GALNTL6: variants seen among roughly 807,000 people sequenced by gnomAD.
GALNTL6 encodes the protein polypeptide N-acetylgalactosaminyltransferase-like 6.
In GALNTL6, 46 loss-of-function variants were observed where a neutral mutation model predicts 73.7. The observed-to-expected ratio is 0.62, with a 90% CI of 0.49 to 0.80. The LOEUF is 0.80. Ranked by LOEUF, GALNTL6 falls within the 30% of genes least tolerant of loss-of-function variation. GALNTL6 has a pLI of 0.00. For synonymous variants in GALNTL6, 259 were observed against 263.7 expected (o/e 0.98, Z 0.17); for missense variants, 604 against 755.0 (o/e 0.80, Z 2.34).
chr4:172,126,938 C>G (rs1733312212), intron 2 of GALNTL6, among the ~76,000 whole-genome samples: 1 of 152,198 alleles, frequency 6.6e-6, no homozygotes, highest in Non-Finnish European at 1.5e-5. Context: ...CCCCGCTGTC[C>G]TCAGCAGGAA....
At chr4:172,188,845 A>G (rs1388879634) in intron 2 of GALNTL6, among the ~76,000 whole-genome samples, 1 of 152,058 alleles carries the variant, frequency 6.6e-6, no homozygotes, top group African/African-American at 2.4e-5. Context: ...AATGACAGAA[A>G]GCAACTTTGC....
At chr4:172,687,728 T>TG (rs1344637423) in intron 5 of GALNTL6, among the ~76,000 whole-genome samples, 2 of 152,138 alleles carry the variant, frequency 1.3e-5, no homozygotes, top group Non-Finnish European at 2.9e-5. Flanking sequence ...GCAATGCATT[T>TG]GGGGAAAAAG....
intron 2 of GALNTL6, among the ~76,000 whole-genome samples, chr4:171,871,665 A>G (rs542079729): frequency 6.6e-6 from 1 of 152,342 alleles, no homozygotes; most frequent in South Asian, 2.1e-4. Flanking sequence ...CTACCATTAA[A>G]ATAGTGACAC....
At chr4:171,958,245 G>C (rs1252070723) in intron 2 of GALNTL6, among the ~76,000 whole-genome samples, 1 of 152,104 alleles carries the variant, frequency 6.6e-6, no homozygotes, top group African/African-American at 2.4e-5. Context: ...GATATCCACA[G>C]ATATTGAAGG....
chr4:171,862,737 G>A (rs1735866371), intron 2 of GALNTL6, among the ~76,000 whole-genome samples: 1 of 151,930 alleles, frequency 6.6e-6, no homozygotes. Context: ...ATTTTCCTTT[G>A]TAAATATTTG....
chr4:171,937,787 A>G (rs957013608), intron 2 of GALNTL6, among the ~76,000 whole-genome samples: 3 of 152,292 alleles, frequency 2.0e-5, no homozygotes, highest in Admixed American at 6.5e-5. Context: ...GCTTGTGTCC[A>G]ATGACTAGCA....
At chr4:172,032,438 G>T (rs1034340812) in intron 2 of GALNTL6, among the ~76,000 whole-genome samples, 3 of 152,128 alleles carry the variant, frequency 2.0e-5, no homozygotes, top group East Asian at 3.9e-4. Context: ...TAATGCTAAA[G>T]AATTATCTTA....
In GALNTL6 at chr4:172,987,714, A is replaced by G. The variant is rs145100083; in HGVS notation, c.1372-21464A>G. 2.1e-3 allele frequency among the ~76,000 whole-genome samples: 290 copies of G among 141,108 alleles called. 1 individual carries two copies. Among genetic ancestry groups the G allele is most frequent in the African/African-American group, 7.0e-3 (273 of 38,838 alleles). 92.6% of individuals were successfully genotyped at this position (141,108 alleles called of 152,430 possible). ...CCACTTGCTATTCTCATGATAGTGAATGAGTTCTTATGAGATCTGGTTGTT... is the reference window on the plus strand; with the variant it reads ...CCACTTGCTATTCTCATGATAGTGAGTGAGTTCTTATGAGATCTGGTTGTT... On this transcript the variant is annotated intron_variant, in intron 10 of 12. Transcript: ENST00000506823.
chr4:172,044,494 C>T (rs1742167239), intron 2 of GALNTL6, among the ~76,000 whole-genome samples: 1 of 151,460 alleles, frequency 6.6e-6, no homozygotes, highest in Admixed American at 6.6e-5. Flanking sequence ...AGATATATGC[C>T]TTTCACATAG....
chr4:172,525,432 TG>T (rs1191845840), intron 5 of GALNTL6, among the ~76,000 whole-genome samples: 2 of 152,204 alleles, frequency 1.3e-5, no homozygotes, highest in Non-Finnish European at 2.9e-5. Flanking sequence ...GTACTTCTTT[TG>T]CTGGATTTGA....
chr4:172,087,025 G>A (rs557719360), intron 2 of GALNTL6, among the ~76,000 whole-genome samples: 1 of 152,246 alleles, frequency 6.6e-6, no homozygotes, highest in South Asian at 2.1e-4. Flanking sequence ...AGTTCCTACC[G>A]TGTATTGTGG....
rs181175104 is a variant in GALNTL6 at position 172,048,654 on chromosome 4, T to G, written c.139-181002T>G. On this transcript the variant is annotated intron_variant, in intron 2 of 12. Coordinates refer to ENST00000506823, the MANE Select transcript of GALNTL6 (RefSeq NM_001034845.3). ...TTCATGAACTAAAATTCACCTTAAA[T>G]GTAACTACTTAAAATTTGTACATTT... Among the ~76,000 whole-genome samples, 798 of 152,346 alleles carry G rather than the reference T, an allele frequency of 5.2e-3. 5 individuals are homozygous for G. The highest frequency in any genetic ancestry group is 0.018 in the African/African-American group (756 of 41,588).
At chr4:172,502,215 A>G (rs1551446) in intron 5 of GALNTL6, among the ~76,000 whole-genome samples, 29,131 of 152,086 alleles carry the variant, frequency 0.19, 3,008 homozygotes, top group African/African-American at 0.25. Flanking sequence ...GCTCAGAATA[A>G]TCCAAAATTC....
intron 5 of GALNTL6, among the ~76,000 whole-genome samples, chr4:172,735,374 G>T (rs62330820): frequency 0.15 from 22,560 of 152,102 alleles, 1,941 homozygotes; most frequent in East Asian, 0.26. Flanking sequence ...TTTGTATGGG[G>T]CCTGTAACCC....
At chr4:172,535,958 T>C in intron 5 of GALNTL6, among the ~76,000 whole-genome samples, 1 of 152,298 alleles carries the variant, frequency 6.6e-6, no homozygotes, top group Non-Finnish European at 1.5e-5. Context: ...TAAACCCAAG[T>C]GTCATGGGAA....
chr4:172,316,243 G>A (rs1280005041), intron 4 of GALNTL6, among the ~76,000 whole-genome samples: 1 of 152,118 alleles, frequency 6.6e-6, no homozygotes, highest in African/African-American at 2.4e-5. Flanking sequence ...AGGCTTCACA[G>A]CAGTTTTGGG....
chr4:172,460,492 A>G (rs1732572334), intron 5 of GALNTL6, among the ~76,000 whole-genome samples: 1 of 152,248 alleles, frequency 6.6e-6, no homozygotes, highest in Admixed American at 6.5e-5. Flanking sequence ...GCTAATATCC[A>G]GAATCTACAA....
Position 172,339,551 on chromosome 4 carries a change from T to C in GALNTL6, c.387-8972T>C, listed in dbSNP as rs929483826. 3.3e-5 allele frequency among the ~76,000 whole-genome samples: 5 copies of C among 152,258 alleles called. No individual in the cohort carries two copies. The South Asian group carries it at 1.0e-3, about 32-fold the overall frequency. On this transcript the variant is annotated intron_variant, in intron 4 of 12. Coordinates refer to ENST00000506823, the MANE Select transcript of GALNTL6 (RefSeq NM_001034845.3). ...TACCTGTGTAGTCACACTGTTGGGT[T>C]GCCGAAGAGTGACTGACTCTGTATG...
intron 8 of GALNTL6, among the ~76,000 whole-genome samples, chr4:172,915,415 G>C (rs1024682212): frequency 3.9e-5 from 6 of 152,068 alleles, no homozygotes; most frequent in Non-Finnish European, 8.8e-5. Flanking sequence ...AACTGAAGGA[G>C]ATAGAGACAC....
Sources: allele counts gnomAD v4.1 joint callset (sites outside exome capture counted in the v4.1 genomes callset), GRCh38; gene constraint gnomAD v4.1.1; transcripts MANE v1.5; gene names NCBI Gene and HGNC (gene_info 2026-07-23, HGNC 2026-07-21).